Variants in CALD1 observed in about 807,000 individuals in gnomAD.
The protein encoded by CALD1 is caldesmon 1, also known as caldesmon.
CALD1 carries 33 observed loss-of-function variants against 99.9 expected under a neutral mutation model. The ratio of observed to expected loss-of-function variants is 0.33; its 90% CI spans 0.25 to 0.44. The LOEUF is 0.44. CALD1 is among the 20% of genes least tolerant of loss of function. The pLI is 1.00. For missense variants in CALD1, 861 were observed against 962.1 expected (o/e 0.89, Z 1.39); for synonymous variants, 310 against 325.0 (o/e 0.95, Z 0.50).
chr7:134,923,460 A>G (rs549820404), intron 3 of CALD1, among the ~76,000 whole-genome samples: 77 of 152,234 alleles, frequency 5.1e-4, no homozygotes, highest in Non-Finnish European at 9.7e-4. Context: ...CTCCTTCTGA[A>G]TCATCTGGGA....
At chr7:134,850,748 T>A (rs1198428654) in intron 2 of CALD1, among the ~76,000 whole-genome samples, 1 of 152,140 alleles carries the variant, frequency 6.6e-6, no homozygotes, top group Non-Finnish European at 1.5e-5. Flanking sequence ...TGTCCACCCT[T>A]GATGTGGTTT....
intron 13 of CALD1, among the ~76,000 whole-genome samples, chr7:134,963,150 G>A (rs1473460570): frequency 2.0e-5 from 3 of 152,142 alleles, no homozygotes; most frequent in African/African-American, 4.8e-5. Context: ...AGCGATAATA[G>A]CTGCTTTCCA....
At chr7:134,912,807 G>A (rs1048558086) in intron 3 of CALD1, among the ~76,000 whole-genome samples, 11 of 152,106 alleles carry the variant, frequency 7.2e-5, no homozygotes, top group Non-Finnish European at 1.5e-4. Flanking sequence ...ACTTTGAACT[G>A]GAACAACTGA....
chr7:134,805,669 A>G (rs749409908), intron 1 of CALD1, among the ~76,000 whole-genome samples: 1 of 152,212 alleles, frequency 6.6e-6, no homozygotes, highest in Non-Finnish European at 1.5e-5. Flanking sequence ...ATTAAAAGCT[A>G]TGGGTTCAGG....
chr7:134,864,686 C>G (rs1263406730), intron 2 of CALD1, among the ~76,000 whole-genome samples: 1 of 152,212 alleles, frequency 6.6e-6, no homozygotes, highest in Non-Finnish European at 1.5e-5. Context: ...AGGCATGAGC[C>G]ACTGCATCTG....
At chr7:134,953,825 T>C (rs1409778599) in intron 9 of CALD1, among the ~76,000 whole-genome samples, 1 of 152,144 alleles carries the variant, frequency 6.6e-6, no homozygotes, top group Admixed American at 6.5e-5. Context: ...ATTTATCTAC[T>C]CCCTCTGATG....
intron 3 of CALD1, among the ~76,000 whole-genome samples, chr7:134,914,935 C>T (rs780276205): frequency 2.9e-4 from 44 of 152,362 alleles, no homozygotes; most frequent in Non-Finnish European, 5.9e-4. Flanking sequence ...AGATTATGAA[C>T]TCCTTTCAGG....
chr7:134,830,834 T>C (rs1289695360), intron 1 of CALD1, among the ~76,000 whole-genome samples: 1 of 152,214 alleles, frequency 6.6e-6, no homozygotes, highest in Non-Finnish European at 1.5e-5. Flanking sequence ...CCATTTTGTC[T>C]TCCTGTTATT....
At chr7:134,920,758 A>G in intron 3 of CALD1, 1 of 999,316 alleles carries the variant, frequency 1.0e-6, no homozygotes, top group Non-Finnish European at 1.4e-6. Context: ...GAACTTCAAT[A>G]GCATTCATTC....
intron 2 of CALD1, among the ~76,000 whole-genome samples, chr7:134,852,013 G>C (rs982774475): frequency 8.5e-5 from 13 of 152,176 alleles, no homozygotes; most frequent in Non-Finnish European, 4.4e-5. Flanking sequence ...GCACAGCAAA[G>C]TACTCAGCAC....
chr7:134,793,704 G>T (rs1585951563), intron 1 of CALD1, among the ~76,000 whole-genome samples: 1 of 152,076 alleles, frequency 6.6e-6, no homozygotes, highest in African/African-American at 2.4e-5. Flanking sequence ...CTAAAATGCA[G>T]TCCCGAAGTG....
At chr7:134,957,996 T>C (rs1807905937) in intron 9 of CALD1, 73 bp from the exon 10 acceptor site, 8 of 1,119,410 alleles carry the variant, frequency 7.1e-6, no homozygotes, top group Non-Finnish European at 1.1e-5. Flanking sequence ...AGGGATGATA[T>C]TGGCCTGGGC....
intron 3 of CALD1, among the ~76,000 whole-genome samples, chr7:134,914,415 T>C (rs1161009142): frequency 1.3e-5 from 2 of 152,172 alleles, no homozygotes; most frequent in African/African-American, 4.8e-5. Flanking sequence ...CTTTTATTTC[T>C]TGGGGAAAGC....
chr7:134,773,427 C>A (rs2131637361), intron 1 of CALD1, among the ~76,000 whole-genome samples: 1 of 152,174 alleles, frequency 6.6e-6, no homozygotes, highest in African/African-American at 2.4e-5. Context: ...GCGTGTGCCA[C>A]CATGCTCAGC....
chr7:134,787,916 T>C (rs1281907749), intron 1 of CALD1, among the ~76,000 whole-genome samples: 1 of 152,184 alleles, frequency 6.6e-6, no homozygotes, highest in Non-Finnish European at 1.5e-5. Flanking sequence ...CGTGTGTACA[T>C]AGAAGCAGAG....
At chr7:134,926,411 T>G (rs562578900) in intron 3 of CALD1, among the ~76,000 whole-genome samples, 2 of 152,338 alleles carry the variant, frequency 1.3e-5, no homozygotes, top group South Asian at 4.1e-4. Context: ...ATTTGTGAAA[T>G]AAACCAGCCC....
chr7:134,836,489 G>A (rs1799446798), intron 1 of CALD1, among the ~76,000 whole-genome samples: 1 of 152,188 alleles, frequency 6.6e-6, no homozygotes, highest in African/African-American at 2.4e-5. Flanking sequence ...TTACGATGAT[G>A]AAGGCAAGAG....
intron 2 of CALD1, among the ~76,000 whole-genome samples, chr7:134,845,652 A>G (rs1043675951): frequency 6.6e-6 from 1 of 152,240 alleles, no homozygotes; most frequent in African/African-American, 2.4e-5. Context: ...TCTGAAGGTC[A>G]GGTGAGAACC....
At chr7:134,910,380 G>A (rs1803712847) in intron 3 of CALD1, among the ~76,000 whole-genome samples, 2 of 152,156 alleles carry the variant, frequency 1.3e-5, no homozygotes, top group African/African-American at 4.8e-5. Context: ...TATTTCCAAA[G>A]GACTGCTAAA....
Sources: gnomAD v4.1 joint callset for allele counts (sites outside exome capture counted in the v4.1 genomes callset) on GRCh38, gnomAD v4.1.1 for gene constraint, MANE v1.5 for transcripts, NCBI Gene and HGNC (gene_info 2026-07-23, HGNC 2026-07-21) for gene names.